The following SDK1 variants were observed in gnomAD, a reference collection of about 807,000 sequenced individuals.
SDK1 encodes the protein protein sidekick-1.
Under a neutral mutation model 245.5 loss-of-function variants are expected in SDK1, and 157 were observed. The ratio of observed to expected loss-of-function variants is 0.64; its 90% CI spans 0.56 to 0.73. SDK1 has a LOEUF of 0.73. Among genes scored for constraint, SDK1 ranks in the 30% least tolerant of loss-of-function variants. SDK1 has a pLI of 0.00. For synonymous variants in SDK1, 1,647 were observed against 1,278.5 expected (o/e 1.29, Z -6.15); for missense variants, 3,583 against 3,002.3 (o/e 1.19, Z -4.52).
intron 20 of SDK1, among the ~76,000 whole-genome samples, chr7:4,069,347 ATCT>A (rs1445623962): frequency 5.3e-5 from 8 of 152,314 alleles, no homozygotes; most frequent in Middle Eastern, 6.8e-3. Context: ...AAGCCACTTA[ATCT>A]TCTTCTCTGT....
chr7:4,193,218 A>G (rs1271286962), intron 35 of SDK1, among the ~76,000 whole-genome samples: 1 of 128,316 alleles, frequency 7.8e-6, no homozygotes, highest in African/African-American at 3.0e-5. Context: ...TAATATATAT[A>G]TTGTATATTA....
intron 5 of SDK1, among the ~76,000 whole-genome samples, chr7:3,897,993 T>C (rs1781659900): frequency 6.6e-6 from 1 of 152,122 alleles, no homozygotes; most frequent in African/African-American, 2.4e-5. Context: ...CTTCCATGTG[T>C]GCACAGTACA....
At chr7:3,503,122 T>A (rs1439344569) in intron 1 of SDK1, among the ~76,000 whole-genome samples, 1 of 152,200 alleles carries the variant, frequency 6.6e-6, no homozygotes, top group Non-Finnish European at 1.5e-5. Context: ...TGCTGCAATC[T>A]TGTCCTCCTC....
intron 1 of SDK1, among the ~76,000 whole-genome samples, chr7:3,616,745 T>G (rs1781784406): frequency 6.6e-6 from 1 of 152,244 alleles, no homozygotes; most frequent in Non-Finnish European, 1.5e-5. Flanking sequence ...GTATTTATAT[T>G]TAAATTCTAT....
chr7:4,174,156 A>C, intron 32 of SDK1, 66 bp from the exon 33 acceptor site: 1 of 1,575,870 alleles, frequency 6.3e-7, no homozygotes, highest in South Asian at 1.1e-5. Flanking sequence ...GGTGGAGGTG[A>C]GCCCTGCTGC....
At chr7:3,656,651 G>T (rs530401063) in intron 4 of SDK1, among the ~76,000 whole-genome samples, 8 of 152,110 alleles carry the variant, frequency 5.3e-5, no homozygotes, top group Admixed American at 4.6e-4. Context: ...GGGTCAGTGG[G>T]ACTCAACCCA....
At chr7:3,447,697 ATC>A (rs544003347) in intron 1 of SDK1, among the ~76,000 whole-genome samples, 3 of 124,656 alleles carry the variant, frequency 2.4e-5, no homozygotes, top group South Asian at 2.8e-4. Flanking sequence ...TAGCTTATAT[ATC>A]TTTTTTTTTT....
chr7:3,836,152 G>C (rs1168155165), intron 5 of SDK1, among the ~76,000 whole-genome samples: 1 of 152,216 alleles, frequency 6.6e-6, no homozygotes, highest in Non-Finnish European at 1.5e-5. Flanking sequence ...CAAACTGAAT[G>C]AGCCACGTGG....
At chr7:3,316,915 C>G (rs554041894) in intron 1 of SDK1, among the ~76,000 whole-genome samples, 4 of 152,016 alleles carry the variant, frequency 2.6e-5, no homozygotes, top group African/African-American at 9.7e-5. Flanking sequence ...TACTGTGGCT[C>G]ATGCCTATAA....
chr7:3,560,523 A>G lies in SDK1; in HGVS notation c.299-58557A>G, dbSNP rs547287723. On this transcript the variant is annotated intron_variant, in intron 1 of 44. Coordinates refer to ENST00000404826, the MANE Select transcript of SDK1 (RefSeq NM_152744.4). ...TTGGTCATTTTTAACCATTCCTACT[A>G]CTGCTACCAATCTGCCGCCATTGTC... 7.2e-5 allele frequency among the ~76,000 whole-genome samples: 11 copies of G among 152,116 alleles called. No homozygotes were observed. In the South Asian group the frequency reaches 2.3e-3, roughly 32 times the overall value.
At chr7:3,800,544 G>T (rs1390901352) in intron 4 of SDK1, among the ~76,000 whole-genome samples, 1 of 151,942 alleles carries the variant, frequency 6.6e-6, no homozygotes, top group African/African-American at 2.4e-5. Context: ...ACCACACCCG[G>T]CTAATTTTTT....
chr7:4,149,351 G>A lies in SDK1; in HGVS notation c.4513G>A (p.Gly1505Arg), dbSNP rs769661918. 9.7e-5 allele frequency: 155 copies of A among 1,590,464 alleles called. No homozygotes were observed. The highest frequency in any genetic ancestry group is 1.2e-4 in the Non-Finnish European group (142 of 1,168,982). The stretch of plus-strand genomic sequence containing the variant: ...GCTCCAGTGGGTCCCGGGCAGCGAC[G>A]GGGCCTCCCCCATCCGGTACTTCAC... ...LRLQWVPGSD[G>R]ASPIRYFTMQ... The change falls in exon 30 of 45, where the codon GGG becomes AGG. Residue 1505 changes from glycine to arginine, a missense_variant. Coordinates refer to ENST00000404826, the MANE Select transcript of SDK1 (RefSeq NM_152744.4).
intron 1 of SDK1, among the ~76,000 whole-genome samples, chr7:3,570,038 C>G (rs1367671775): frequency 1.3e-5 from 2 of 152,192 alleles, no homozygotes; most frequent in Admixed American, 1.3e-4. Flanking sequence ...CACACACCAG[C>G]TCCATCATTT....
chr7:4,193,417 A>G (rs933810267), intron 35 of SDK1, among the ~76,000 whole-genome samples: 7 of 141,500 alleles, frequency 4.9e-5, no homozygotes, highest in African/African-American at 1.9e-4. Context: ...TTTATTAAAT[A>G]TTAAGTTACA....
chr7:3,891,487 C>T (rs2128101908), intron 5 of SDK1, among the ~76,000 whole-genome samples: 1 of 152,282 alleles, frequency 6.6e-6, no homozygotes, highest in South Asian at 2.1e-4. Context: ...TATGTTAATC[C>T]AGCCGAAAGT....
chr7:4,268,209 C>T lies in SDK1; in HGVS notation c.*2825C>T, dbSNP rs543465650. 62 of 988,368 alleles carry T rather than the reference C, an allele frequency of 6.3e-5. No individual in the cohort carries two copies. The highest frequency in any genetic ancestry group is 1.8e-4 in the Admixed American group (3 of 16,744). The allele number at this position is 988,368 out of a possible 1,614,324, so 61.2% of individuals were successfully genotyped here. On this transcript the variant is annotated 3_prime_UTR_variant, in exon 45 of 45. Coordinates refer to ENST00000404826, the MANE Select transcript of SDK1 (RefSeq NM_152744.4). ...CAACGTGGCTCATTTCAGATTGCTTCGGCCCCACCCTGCAAGGATGTGGTC... is the reference window on the plus strand; with the variant it reads ...CAACGTGGCTCATTTCAGATTGCTTTGGCCCCACCCTGCAAGGATGTGGTC...
At chr7:4,201,859 C>T (rs116766863) in intron 35 of SDK1, among the ~76,000 whole-genome samples, 4,173 of 151,998 alleles carry the variant, frequency 0.027, 68 homozygotes, top group South Asian at 0.035. Flanking sequence ...CAACAGCTGA[C>T]GCCTAGCATG....
intron 1 of SDK1, among the ~76,000 whole-genome samples, chr7:3,313,946 T>G (rs79189714): frequency 8.5e-5 from 13 of 152,144 alleles, no homozygotes; most frequent in African/African-American, 3.1e-4. Flanking sequence ...AAAATGTATG[T>G]GAGCAGGAGT....
chr7:3,565,601 C>T (rs530094340), intron 1 of SDK1, among the ~76,000 whole-genome samples: 8 of 152,202 alleles, frequency 5.3e-5, no homozygotes, highest in Non-Finnish European at 2.9e-5. Context: ...ACAGTCATCT[C>T]TTGGTATCTG....
Sources: allele counts gnomAD v4.1 joint callset (sites outside exome capture counted in the v4.1 genomes callset), GRCh38; gene constraint gnomAD v4.1.1; transcripts MANE v1.5; gene names NCBI Gene and HGNC (gene_info 2026-07-23, HGNC 2026-07-21).